The following SC5D variants were observed in gnomAD, a reference collection of about 807,000 sequenced individuals.
The protein encoded by SC5D is sterol-C5-desaturase, also known as lathosterol oxidase.
A neutral mutation model predicts 23.9 loss-of-function variants in SC5D; 21 were observed. The observed-to-expected ratio is 0.88, with a 90% CI of 0.62 to 1.26. The LOEUF (loss-of-function observed/expected upper bound fraction) is 1.26, where lower values mean the gene tolerates loss of function less well. Ranked by LOEUF, SC5D falls within the 50% of genes most tolerant of loss-of-function variation. The pLI, the probability that SC5D is intolerant of heterozygous loss-of-function variation, is 0.00. For synonymous variants in SC5D, 113 were observed against 125.9 expected (o/e 0.90, Z 0.68); for missense variants, 309 against 364.8 (o/e 0.85, Z 1.25).
Position 121,307,056 on chromosome 11 carries a change from G to A in SC5D, c.445-1G>A, listed in dbSNP as rs1165987872. 1 of 1,613,730 alleles carries A rather than the reference G, an allele frequency of 6.2e-7. No homozygotes were observed. The highest frequency in any genetic ancestry group is 8.5e-7 in the Non-Finnish European group (1 of 1,179,656). On this transcript the variant is annotated splice_acceptor_variant, in intron 4 of 4. Coordinates refer to ENST00000264027, the MANE Select transcript of SC5D (RefSeq NM_006918.5). LOFTEE classifies it high-confidence loss of function. ...GCTAATTGTGTCCTTTTCTCCTGCA[G>A]CGCCTACATAAACCTCACCATATTT...
chr11:121,295,106 A>G (rs537136616), intron 1 of SC5D, among the ~76,000 whole-genome samples: 1 of 152,356 alleles, frequency 6.6e-6, no homozygotes, highest in African/African-American at 2.4e-5. Flanking sequence ...TTTAAGATCT[A>G]CATTGAACCC....
chr11:121,309,223 T>C lies in SC5D; in HGVS notation c.*1711T>C, dbSNP rs886047857. Among the ~76,000 whole-genome samples, 1 of 152,210 alleles carries C rather than the reference T, an allele frequency of 6.6e-6. No individual in the cohort carries two copies. The highest frequency in any genetic ancestry group is 1.5e-5 in the Non-Finnish European group (1 of 68,040). ...GACCCAGGCTCCTTCCTCTTGGGGC[T>C]CTGCCTTTCTCTCAGTCCATAGAGC... is the stretch of plus-strand genomic sequence containing the variant. On this transcript the variant is annotated 3_prime_UTR_variant, in exon 5 of 5. Coordinates refer to ENST00000264027, the MANE Select transcript of SC5D (RefSeq NM_006918.5).
rs1947938489 is a variant in SC5D at position 121,303,332 on chromosome 11, T to C, written c.-10-34T>C. ...ATTTTTGCCTGGAAAAATAGAGACA[T>C]GGTAACTAATTGTCACACATGCTTA... On this transcript the variant is annotated intron_variant, in intron 1 of 4. Coordinates refer to ENST00000264027, the MANE Select transcript of SC5D (RefSeq NM_006918.5). The C allele has an allele frequency of 5.7e-6, 9 of 1,583,274 alleles. No individual in the cohort carries two copies. In the South Asian group the frequency reaches 8.8e-5, roughly 16 times the overall value.
Position 121,308,673 on chromosome 11 carries a change from T to G in SC5D, c.*1161T>G, listed in dbSNP as rs1275966929. 1 of 152,670 alleles carries G rather than the reference T, an allele frequency of 6.6e-6. No individual in the cohort carries two copies. Among genetic ancestry groups the G allele is most frequent in the East Asian group, 1.9e-4 (1 of 5,206 alleles). The allele number at this position is 152,670 out of a possible 1,614,324, so 9.5% of individuals were successfully genotyped here. ...TATTATAGCAGCACAAAGTATTCTT[T>G]GTACAGATTTTGTGCCAATTTGAAG... On this transcript the variant is annotated 3_prime_UTR_variant, in exon 5 of 5. Transcript: ENST00000264027.
Position 121,309,948 on chromosome 11 carries a change from G to C in SC5D, c.*2436G>C, listed in dbSNP as rs1947996710. Among the ~76,000 whole-genome samples, 1 of 152,164 alleles carries C rather than the reference G, an allele frequency of 6.6e-6. No homozygotes were observed. The highest frequency in any genetic ancestry group is 1.5e-5 in the Non-Finnish European group (1 of 68,026). ...GAAGTGGGTGGATATGGTTCGAGAA[G>C]ACCTTTCAGAAACACAGAGACTGAG... is the stretch of plus-strand genomic sequence containing the variant. On this transcript the variant is annotated 3_prime_UTR_variant, in exon 5 of 5. Coordinates refer to ENST00000264027, the MANE Select transcript of SC5D (RefSeq NM_006918.5).
rs1947988625 is a variant in SC5D at position 121,308,909 on chromosome 11, T to C, written c.*1397T>C. Among the ~76,000 whole-genome samples, 2 of 152,268 alleles carry C rather than the reference T, an allele frequency of 1.3e-5. No homozygotes were observed. Among genetic ancestry groups the C allele is most frequent in the East Asian group, 3.8e-4 (2 of 5,204 alleles). On this transcript the variant is annotated 3_prime_UTR_variant, in exon 5 of 5. Transcript: ENST00000264027. ...TGTGAGTTATTGTCACAATGTCATC[T>C]TATTTAAATGTACCAATTAGCATTT... is the stretch of plus-strand genomic sequence containing the variant.
chr11:121,298,344 A>AT (rs1262326886), intron 1 of SC5D, among the ~76,000 whole-genome samples: 1 of 152,220 alleles, frequency 6.6e-6, no homozygotes. Context: ...AAAAGCAAGT[A>AT]TATTGCTTGC....
chr11:121,302,373 T>C (rs1947931925), intron 1 of SC5D, among the ~76,000 whole-genome samples: 1 of 152,142 alleles, frequency 6.6e-6, no homozygotes, highest in Non-Finnish European at 1.5e-5. Context: ...CAATGAGGGA[T>C]GAGTGAGTCG....
chr11:121,300,512 G>A (rs914670580), intron 1 of SC5D, among the ~76,000 whole-genome samples: 13 of 152,188 alleles, frequency 8.5e-5, no homozygotes, highest in Non-Finnish European at 1.6e-4. Context: ...TCCTGTCCCA[G>A]GGTGTTTTGT....
chr11:121,306,769 G>GCT, intron 4 of SC5D: 1 of 616,202 alleles, frequency 1.6e-6, no homozygotes, highest in Non-Finnish European at 2.9e-6. Flanking sequence ...AGGAGTGAGG[G>GCT]ATGAGACGCT....
intron 4 of SC5D, 108 bp from the exon 5 acceptor site, chr11:121,306,949 G>A: frequency 1.1e-6 from 1 of 922,626 alleles, no homozygotes; most frequent in South Asian, 1.3e-5. Context: ...TAATTTTGCT[G>A]ATCTCTACAG....
chr11:121,307,386 A>C lies in SC5D; in HGVS notation c.774A>C (p.Ser258=). 1.9e-6 allele frequency: 3 copies of C among 1,613,842 alleles called. No homozygotes were observed. Among genetic ancestry groups the C allele is most frequent in the South Asian group, 1.1e-5 (1 of 91,068 alleles). The stretch of plus-strand genomic sequence containing the variant: ...TTGGCGGCTCATTCAAAAATCCTTC[A>C]TCCTTTGAGGGGAAGGGACCGCTCA... The part of the protein sequence containing the change: ...DRIGGSFKNP[S]SFEGKGPLSY... The change falls in exon 5 of 5, where the codon TCA becomes TCC. Residue 258 remains serine, a synonymous_variant. Transcript: ENST00000264027.
chr11:121,300,935 G>C (rs887038413), intron 1 of SC5D, among the ~76,000 whole-genome samples: 3 of 152,148 alleles, frequency 2.0e-5, no homozygotes, highest in African/African-American at 7.2e-5. Context: ...AATAAAACAG[G>C]TATGTAATTA....
At chr11:121,293,639 G>A (rs923629011) in intron 1 of SC5D, among the ~76,000 whole-genome samples, 6 of 152,304 alleles carry the variant, frequency 3.9e-5, no homozygotes, top group Admixed American at 1.3e-4. Context: ...TGGAAAGTTT[G>A]TGGCAGCTCG....
In SC5D at chr11:121,304,641, A is replaced by C. The variant is rs1232292581; in HGVS notation, c.343+148A>C. On this transcript the variant is annotated intron_variant, in intron 3 of 4. Transcript: ENST00000264027. ...TTTAATGTTCTATTTTCATGTGTTC[A>C]TGTCTTGCCACATGTGCATTTCTTT... The C allele has an allele frequency of 1.7e-5, 12 of 694,494 alleles. No individual in the cohort carries two copies. The Admixed American group carries it at 3.1e-4, about 18-fold the overall frequency. 43.0% of individuals were successfully genotyped at this position (694,494 alleles called of 1,614,324 possible).
intron 1 of SC5D, among the ~76,000 whole-genome samples, chr11:121,301,086 A>G (rs1208056143): frequency 6.6e-6 from 1 of 152,208 alleles, no homozygotes; most frequent in Non-Finnish European, 1.5e-5. Flanking sequence ...TAAAAAATTA[A>G]AAAACACAAA....
rs1206110954 is a variant in SC5D, at chr11:121,303,353, G to A, written c.-10-13G>A. The A allele has an allele frequency of 3.1e-6, 5 of 1,607,804 alleles. No homozygotes were observed. Among genetic ancestry groups the A allele is most frequent in the Non-Finnish European group, 3.4e-6 (4 of 1,174,518 alleles). On this transcript the variant is annotated splice_polypyrimidine_tract_variant and intron_variant, in intron 1 of 4. Coordinates refer to ENST00000264027, the MANE Select transcript of SC5D (RefSeq NM_006918.5). Reference sequence around the variant, plus strand: ...GACATGGTAACTAATTGTCACACATGCTTATTTTTTAGGGGCTAAGTGATG... The same window carrying A: ...GACATGGTAACTAATTGTCACACATACTTATTTTTTAGGGGCTAAGTGATG...
chr11:121,297,820 C>T (rs576161755), intron 1 of SC5D, among the ~76,000 whole-genome samples: 34 of 152,258 alleles, frequency 2.2e-4, no homozygotes, highest in African/African-American at 7.9e-4. Context: ...ATATGAAGAC[C>T]TGCTACTGAA....
chr11:121,297,854 A>T (rs1947900137), intron 1 of SC5D, among the ~76,000 whole-genome samples: 1 of 152,244 alleles, frequency 6.6e-6, no homozygotes, highest in Non-Finnish European at 1.5e-5. Flanking sequence ...ATTAACAAGG[A>T]AGAATTCAGA....
Sources: allele counts gnomAD v4.1 joint callset (sites outside exome capture counted in the v4.1 genomes callset), GRCh38; gene constraint gnomAD v4.1.1; transcripts MANE v1.5; gene names NCBI Gene and HGNC (gene_info 2026-07-23, HGNC 2026-07-21).